Variants in PREX2 observed in about 807,000 individuals in gnomAD.
PREX2 encodes phosphatidylinositol 3,4,5-trisphosphate-dependent Rac exchanger 2 protein.
Under a neutral mutation model 203.2 loss-of-function variants are expected in PREX2, and 107 were observed. The observed-to-expected ratio is 0.53, with a 90% CI of 0.45 to 0.62. The LOEUF is 0.62. PREX2 is among the 20% of genes least tolerant of loss of function. The pLI, the probability that PREX2 is intolerant of heterozygous loss-of-function variation, is 0.00. For synonymous variants in PREX2, 672 were observed against 663.6 expected (o/e 1.01, Z -0.19); for missense variants, 1,777 against 1,955.9 (o/e 0.91, Z 1.72).
At chr8:68,184,632 C>T (rs1292179333) in intron 35 of PREX2, among the ~76,000 whole-genome samples, 1 of 152,042 alleles carries the variant, frequency 6.6e-6, no homozygotes, top group Non-Finnish European at 1.5e-5. Context: ...GGAGAAGAAG[C>T]AAGAGTATAG....
Position 68,108,056 on chromosome 8 carries a change from C to T in PREX2, c.2716-53C>T, listed in dbSNP as rs762320853. On this transcript the variant is annotated intron_variant, in intron 23 of 39. Coordinates refer to ENST00000288368, the MANE Select transcript of PREX2 (RefSeq NM_024870.4). ...GAATGATGCAAGTGAAAAAAAGATGCCTGAGTTATTACTGTGTGTTCAACT... is the reference window on the plus strand; with the variant it reads ...GAATGATGCAAGTGAAAAAAAGATGTCTGAGTTATTACTGTGTGTTCAACT... 7.5e-6 allele frequency: 9 copies of T among 1,197,594 alleles called. No homozygotes were observed. The Admixed American group carries it at 2.1e-4, about 28-fold the overall frequency. The allele number at this position is 1,197,594 out of a possible 1,614,324, so 74.2% of individuals were successfully genotyped here.
chr8:68,189,280 T>C lies in PREX2; in HGVS notation c.4347-2442T>C, dbSNP rs554377025. Among the ~76,000 whole-genome samples the C allele has an allele frequency of 2.6e-5, 4 of 152,310 alleles. 1 individual carries two copies. Among genetic ancestry groups the C allele is most frequent in the African/African-American group, 9.6e-5 (4 of 41,570 alleles). ...TTTAAAACGTCCAGTCTTCTGGCAA[T>C]GAGGCAAGTTCCATGGCCATTTACC... On this transcript the variant is annotated intron_variant, in intron 35 of 39. Transcript: ENST00000288368.
At chr8:68,102,116 C>T (rs566343719) in intron 23 of PREX2, among the ~76,000 whole-genome samples, 11 of 152,212 alleles carry the variant, frequency 7.2e-5, no homozygotes, top group African/African-American at 2.6e-4. Flanking sequence ...AATAATGTCA[C>T]CCAATTATGG....
chr8:68,096,540 T>A (rs759301945), intron 21 of PREX2, among the ~76,000 whole-genome samples: 6 of 152,134 alleles, frequency 3.9e-5, no homozygotes, highest in Admixed American at 6.6e-5. Flanking sequence ...TAAGTTGCTG[T>A]TTGGGAAACT....
intron 14 of PREX2, among the ~76,000 whole-genome samples, chr8:68,074,820 T>C (rs1051598306): frequency 4.6e-5 from 7 of 152,326 alleles, no homozygotes; most frequent in African/African-American, 1.7e-4. Context: ...CTGGCTCTAC[T>C]ATGATTGGAG....
chr8:68,050,735 G>T (rs1346587485), intron 8 of PREX2, among the ~76,000 whole-genome samples: 1 of 152,168 alleles, frequency 6.6e-6, no homozygotes, highest in Non-Finnish European at 1.5e-5. Context: ...AGATTTGTAT[G>T]CACAGGCTCA....
At chr8:68,222,163 C>T (rs72662938) in intron 38 of PREX2, among the ~76,000 whole-genome samples, 3 of 152,196 alleles carry the variant, frequency 2.0e-5, no homozygotes, top group Non-Finnish European at 2.9e-5. Flanking sequence ...ATTAGCCCTG[C>T]CTGCTGGAAA....
chr8:68,047,346 C>A (rs903974638), intron 8 of PREX2, among the ~76,000 whole-genome samples: 1 of 151,430 alleles, frequency 6.6e-6, no homozygotes, highest in Non-Finnish European at 1.5e-5. Context: ...AAGTACTCCC[C>A]ATACTTGGCC....
chr8:68,004,896 T>C (rs1585697933), intron 1 of PREX2, among the ~76,000 whole-genome samples: 1 of 152,170 alleles, frequency 6.6e-6, no homozygotes, highest in East Asian at 1.9e-4. Flanking sequence ...GCTTTCCTAA[T>C]TCAGCCCACA....
At position 67,990,055 on chromosome 8, in the gene PREX2, G is replaced by A. The variant is rs144838357; in HGVS notation, c.142-27791G>A. Among the ~76,000 whole-genome samples, 871 of 151,644 alleles carry A rather than the reference G, an allele frequency of 5.7e-3. 4 individuals carry two copies. Among genetic ancestry groups the A allele is most frequent in the Middle Eastern group, 0.014 (4 of 286 alleles). On this transcript the variant is annotated intron_variant, in intron 1 of 39. Transcript: ENST00000288368. ...GGCTGGAGTGCAGTGGCACCATCTT[G>A]GCTCACTGCACCCTCTCCCTCCTGG...
chr8:68,044,563 G>A lies in PREX2; in HGVS notation c.916G>A (p.Glu306Lys). 6.2e-7 allele frequency: 1 copy of A among 1,612,914 alleles called. No homozygotes were observed. The highest frequency in any genetic ancestry group is 8.5e-7 in the Non-Finnish European group (1 of 1,179,124). Residue 306 changes from glutamate to lysine, a missense_variant, in exon 8 of 40, where the codon GAA (glutamate) becomes AAA (lysine). Transcript: ENST00000288368. ...FRGRINTEVM[E>K]VENVDDGTAD... ...TGGCCGGATCAACACGGAGGTGATG[G>A]AAGTGGAGAATGTGGATGATGGCAC...
In PREX2 at chr8:68,224,596, T is replaced by A; in HGVS notation, c.4745T>A (p.Val1582Asp). The change falls in exon 39 of 40, where the codon GTC becomes GAC. Residue 1582 changes from valine to aspartate, a missense_variant. By Grantham distance (152) the Val-to-Asp change is radical. Coordinates refer to ENST00000288368, the MANE Select transcript of PREX2 (RefSeq NM_024870.4). ...RVQNTAKNLGVRDRTPQSAPR... is the reference protein window; with the variant it reads ...RVQNTAKNLGDRDRTPQSAPR... Reference sequence around the variant, plus strand: ...CAGAACACAGCGAAGAATTTGGGAGTCAGAGACCGGACTCCACAGTCTGCA... The same window carrying A: ...CAGAACACAGCGAAGAATTTGGGAGACAGAGACCGGACTCCACAGTCTGCA... 1 of 1,613,526 alleles carries A rather than the reference T, an allele frequency of 6.2e-7. No homozygotes were observed. The highest frequency in any genetic ancestry group is 8.5e-7 in the Non-Finnish European group (1 of 1,179,850).
At chr8:68,171,791 T>A (rs372308342) in intron 35 of PREX2, among the ~76,000 whole-genome samples, 139 of 152,178 alleles carry the variant, frequency 9.1e-4, no homozygotes, top group African/African-American at 3.0e-3. Flanking sequence ...AGAGTATAGC[T>A]TAAAATCTGA....
intron 5 of PREX2, among the ~76,000 whole-genome samples, chr8:68,030,141 A>G (rs1807840087): frequency 6.6e-6 from 1 of 152,216 alleles, no homozygotes; most frequent in Non-Finnish European, 1.5e-5. Flanking sequence ...TAAAGACCCT[A>G]GAAAAATGAA....
chr8:67,983,596 G>A (rs1806331893), intron 1 of PREX2, among the ~76,000 whole-genome samples: 1 of 152,142 alleles, frequency 6.6e-6, no homozygotes, highest in Non-Finnish European at 1.5e-5. Context: ...TGCCCATGAG[G>A]GCCTCCAGGA....
chr8:68,092,043 C>T (rs1416373681), intron 20 of PREX2, among the ~76,000 whole-genome samples: 5 of 152,236 alleles, frequency 3.3e-5, no homozygotes, highest in African/African-American at 9.6e-5. Context: ...TGCTGGGACC[C>T]GACTTTTGCT....
chr8:68,098,290 T>C (rs1021760071), intron 22 of PREX2, among the ~76,000 whole-genome samples: 4 of 152,214 alleles, frequency 2.6e-5, no homozygotes, highest in African/African-American at 9.6e-5. Context: ...GTTTAAAATA[T>C]GAATAGTTGA....
At chr8:67,968,040 T>C (rs1236099692) in intron 1 of PREX2, among the ~76,000 whole-genome samples, 1 of 151,154 alleles carries the variant, frequency 6.6e-6, no homozygotes, top group African/African-American at 2.4e-5. Context: ...AACCTGCATG[T>C]TGTGCACATG....
intron 38 of PREX2, among the ~76,000 whole-genome samples, chr8:68,221,369 A>G (rs371425274): frequency 1.3e-3 from 195 of 152,310 alleles, no homozygotes; most frequent in Non-Finnish European, 2.3e-3. Context: ...AGTGTTGGCT[A>G]TCTGGGTGAT....
Sources: allele counts gnomAD v4.1 joint callset (sites outside exome capture counted in the v4.1 genomes callset), GRCh38; gene constraint gnomAD v4.1.1; transcripts MANE v1.5; gene names NCBI Gene and HGNC (gene_info 2026-07-23, HGNC 2026-07-21).